The following BAIAP2 variants were observed in gnomAD, a reference collection of about 807,000 sequenced individuals.
The protein encoded by BAIAP2 is BAR/IMD domain containing adaptor protein 2, also known as BAR/IMD domain-containing adapter protein 2.
Under a neutral mutation model 63.0 loss-of-function variants are expected in BAIAP2, and 18 were observed. The observed-to-expected ratio is 0.29, with a 90% CI of 0.20 to 0.42. The LOEUF is 0.42. BAIAP2 is among the 10% of genes least tolerant of loss of function. The probability of loss-of-function intolerance (pLI) is 1.00; values close to 1 mark genes in which losing one functional copy is unlikely to be tolerated. For synonymous variants in BAIAP2, 386 were observed against 307.6 expected, an observed-to-expected ratio of 1.25 and a Z score of -2.67; for missense variants, 610 against 734.3, an observed-to-expected ratio of 0.83 and a Z score of 1.96.
Position 81,110,960 on chromosome 17 carries a change from G to T in BAIAP2, c.1535+2451G>T. 2.5e-6 allele frequency: 4 copies of T among 1,613,874 alleles called. No homozygotes were observed. In the East Asian group the frequency reaches 8.9e-5, roughly 36 times the overall value. The stretch of plus-strand genomic sequence containing the variant: ...ATTCTGAGCCGCCTGACTAGAGTTA[G>T]TAAGTTGCCTGGCGTTCTCGTGCAG... On this transcript the variant is annotated intron_variant, in intron 13 of 13. Transcript: ENST00000428708.
At chr17:81,081,136 T>A (rs2054535528) in intron 3 of BAIAP2, among the ~76,000 whole-genome samples, 1 of 152,300 alleles carries the variant, frequency 6.6e-6, no homozygotes, top group Non-Finnish European at 1.5e-5. Flanking sequence ...GCCCGAGAGC[T>A]GGGAGGTGGA....
chr17:81,068,602 A>G (rs1286206113), intron 3 of BAIAP2, among the ~76,000 whole-genome samples: 2 of 152,322 alleles, frequency 1.3e-5, no homozygotes, highest in East Asian at 3.9e-4. Flanking sequence ...GCACAGACGG[A>G]GCCAGCACTG....
At chr17:81,113,120 C>T (rs891307416) in intron 13 of BAIAP2, among the ~76,000 whole-genome samples, 3 of 152,206 alleles carry the variant, frequency 2.0e-5, no homozygotes, top group Non-Finnish European at 4.4e-5. Flanking sequence ...GCTTAGGGGC[C>T]TCTGAGGGGA....
At chr17:81,086,027 C>G (rs749610637) in intron 5 of BAIAP2, among the ~76,000 whole-genome samples, 10 of 152,192 alleles carry the variant, frequency 6.6e-5, no homozygotes, top group African/African-American at 1.7e-4. Context: ...AGCTCCTTCT[C>G]TGGCCTCTGC....
At chr17:81,078,574 C>T (rs1287243822) in intron 3 of BAIAP2, among the ~76,000 whole-genome samples, 5 of 77,700 alleles carry the variant, frequency 6.4e-5, no homozygotes, top group South Asian at 4.9e-4. Context: ...GTGCCATCTC[C>T]GAGCTGGGTG....
chr17:81,106,700 G>A, intron 11 of BAIAP2, 45 bp from the exon 12 acceptor site: 1 of 1,609,828 alleles, frequency 6.2e-7, no homozygotes, highest in South Asian at 1.1e-5. Context: ...GGGGTGTTGG[G>A]GGCATCCGGC....
At chr17:81,065,369 G>T (rs2144616613) in intron 3 of BAIAP2, among the ~76,000 whole-genome samples, 1 of 152,358 alleles carries the variant, frequency 6.6e-6, no homozygotes, top group East Asian at 1.9e-4. Context: ...AATTTGCTAA[G>T]ATGTGTGAGT....
intron 3 of BAIAP2, among the ~76,000 whole-genome samples, chr17:81,078,453 C>A (rs1444440993): frequency 1.6e-5 from 2 of 128,498 alleles, no homozygotes; most frequent in African/African-American, 6.2e-5. Context: ...GCTATGGGTG[C>A]GGGTGCCGTA....
chr17:81,094,939 G>A (rs1463234922), intron 6 of BAIAP2, among the ~76,000 whole-genome samples: 6 of 152,228 alleles, frequency 3.9e-5, no homozygotes, highest in South Asian at 4.1e-4. Context: ...CAGCCGTGGC[G>A]GATGAGGTAA....
intron 3 of BAIAP2, among the ~76,000 whole-genome samples, chr17:81,079,080 C>T (rs1158325358): frequency 6.6e-6 from 1 of 152,226 alleles, no homozygotes; most frequent in African/African-American, 2.4e-5. Flanking sequence ...AAAGGGCCCT[C>T]TCCGCCAGGT....
At position 81,084,848 on chromosome 17, in the gene BAIAP2, G is replaced by T; in HGVS notation, c.234G>T (p.Gln78His). Residue 78 changes from glutamine to histidine, a missense_variant, in exon 4 of 14, where the codon CAG becomes CAT. This residue lies in a region of BAIAP2 where 389 missense variants were observed against 455.6 expected (regional missense o/e 0.85). Coordinates refer to ENST00000428708, the MANE Select transcript of BAIAP2 (RefSeq NM_001144888.2). ...GCTTCCCAGGAGACGTTCTCTTCCA[G>T]ATGGCTGAAGTCCACAGGCAGATCC... ...GSKELGDVLF[Q>H]MAEVHRQIQN... The T allele has an allele frequency of 6.2e-7, 1 of 1,613,860 alleles. No homozygotes were observed. The highest frequency in any genetic ancestry group is 8.5e-7 in the Non-Finnish European group (1 of 1,180,018).
At chr17:81,093,649 TGG>T (rs1223279731) in intron 6 of BAIAP2, among the ~76,000 whole-genome samples, 1 of 151,786 alleles carries the variant, frequency 6.6e-6, no homozygotes, top group African/African-American at 2.4e-5. Context: ...AGGGGGCTGG[TGG>T]GGGGCATTGG....
At chr17:81,110,657 T>A in intron 13 of BAIAP2, 1 of 1,334,758 alleles carries the variant, frequency 7.5e-7, no homozygotes, top group South Asian at 1.7e-5. Context: ...CTGGCCCCAG[T>A]GACAGTCGCT....
chr17:81,039,123 T>C (rs1314151719), intron 1 of BAIAP2, among the ~76,000 whole-genome samples: 1 of 152,246 alleles, frequency 6.6e-6, no homozygotes, highest in African/African-American at 2.4e-5. Flanking sequence ...TCTCTACATG[T>C]GCATGTCTGT....
chr17:81,096,484 T>C (rs1208825200), intron 6 of BAIAP2, among the ~76,000 whole-genome samples: 1 of 152,260 alleles, frequency 6.6e-6, no homozygotes, highest in Non-Finnish European at 1.5e-5. Flanking sequence ...CCCTGGCAGT[T>C]CCCTGCGGGA....
At chr17:81,059,946 C>T (rs1442586594) in intron 3 of BAIAP2, among the ~76,000 whole-genome samples, 1 of 152,172 alleles carries the variant, frequency 6.6e-6, no homozygotes, top group Non-Finnish European at 1.5e-5. Context: ...TGGTGGTTGA[C>T]TGCAAGAAGG....
At chr17:81,042,937 G>C (rs1043353092) in intron 1 of BAIAP2, among the ~76,000 whole-genome samples, 6 of 152,114 alleles carry the variant, frequency 3.9e-5, no homozygotes, top group Non-Finnish European at 8.8e-5. Context: ...AGGCTGGAGT[G>C]CAGTGGTGTG....
intron 3 of BAIAP2, among the ~76,000 whole-genome samples, chr17:81,073,478 A>AG (rs2053074465): frequency 2.0e-5 from 3 of 152,102 alleles, no homozygotes; most frequent in Admixed American, 1.3e-4. Flanking sequence ...CTGACTAAGC[A>AG]GAGTGTTAAC....
intron 3 of BAIAP2, among the ~76,000 whole-genome samples, chr17:81,064,915 A>G (rs1488736660): frequency 6.6e-6 from 1 of 152,130 alleles, no homozygotes; most frequent in Non-Finnish European, 1.5e-5. Flanking sequence ...CAAGTTCCGG[A>G]AGCTTCTCAC....
Sources: gnomAD v4.1 joint callset for allele counts (sites outside exome capture counted in the v4.1 genomes callset) on GRCh38, gnomAD v4.1.1 for gene constraint, gnomAD v4.1.1 regional missense constraint, MANE v1.5 for transcripts, NCBI Gene and HGNC (gene_info 2026-07-23, HGNC 2026-07-21) for gene names.